Variants in MBOAT2 observed in about 807,000 individuals in gnomAD.
The protein encoded by MBOAT2 is membrane-bound glycerophospholipid O-acyltransferase 2.
A neutral mutation model predicts 63.4 loss-of-function variants in MBOAT2; 28 were observed. The observed-to-expected ratio is 0.44, with a 90% CI of 0.33 to 0.61. The LOEUF (loss-of-function observed/expected upper bound fraction) is 0.61. Among genes scored for constraint, MBOAT2 ranks in the 20% least tolerant of loss-of-function variants. MBOAT2 has a pLI of 0.03. For synonymous variants in MBOAT2, 211 were observed against 215.6 expected, an observed-to-expected ratio of 0.98 and a Z score of 0.19; for missense variants, 470 against 605.8, an observed-to-expected ratio of 0.78 and a Z score of 2.35.
chr2:8,960,726 A>ATCGT (rs1250074014), intron 1 of MBOAT2, among the ~76,000 whole-genome samples: 1 of 152,246 alleles, frequency 6.6e-6, no homozygotes, highest in Non-Finnish European at 1.5e-5. Context: ...CAACATTGTC[A>ATCGT]TCGTTCAGAT....
chr2:8,985,380 T>C (rs1010305461), intron 1 of MBOAT2, among the ~76,000 whole-genome samples: 1 of 152,196 alleles, frequency 6.6e-6, no homozygotes, highest in African/African-American at 2.4e-5. Flanking sequence ...TCTTTAAAGA[T>C]AAAATGTGTG....
intron 1 of MBOAT2, among the ~76,000 whole-genome samples, chr2:8,992,162 G>A (rs1671956555): frequency 6.6e-6 from 1 of 152,162 alleles, no homozygotes. Context: ...GACCTTTATT[G>A]CAGGTCTTTA....
chr2:8,943,670 T>C (rs1196251333), intron 2 of MBOAT2, among the ~76,000 whole-genome samples: 1 of 152,210 alleles, frequency 6.6e-6, no homozygotes, highest in Non-Finnish European at 1.5e-5. Context: ...AGTACCAACT[T>C]TGTACTCTGC....
At chr2:8,885,803 G>A (rs1357863564) in intron 5 of MBOAT2, among the ~76,000 whole-genome samples, 1 of 152,188 alleles carries the variant, frequency 6.6e-6, no homozygotes, top group East Asian at 1.9e-4. Flanking sequence ...ATGCAAATAT[G>A]AATGATGCCA....
At position 8,856,955 on chromosome 2, in the gene MBOAT2, G is replaced by T. The variant is rs13402472; in HGVS notation, c.*1724C>A. 2 of 152,276 alleles carry T rather than the reference G, an allele frequency of 1.3e-5. No individual in the cohort carries two copies. The highest frequency in any genetic ancestry group is 6.5e-5 in the Admixed American group (1 of 15,278). 9.4% of individuals were successfully genotyped at this position (152,276 alleles called of 1,614,324 possible). A position where few individuals can be genotyped will look rare whatever the true frequency, so the allele number is the denominator to read the frequency against. ...ATCAGCCGGAAAACACTTACTTTTA[G>T]ATAAATAAAAATAGATTAGGATATT... On this transcript the variant is annotated 3_prime_UTR_variant, in exon 13 of 13. Transcript: ENST00000305997. The surrounding 1 kb of genome is among the most constrained non-coding windows in gnomAD (Gnocchi z 4.2).
intron 3 of MBOAT2, among the ~76,000 whole-genome samples, chr2:8,940,386 G>A (rs370448595): frequency 8.1e-4 from 123 of 152,088 alleles, no homozygotes; most frequent in African/African-American, 2.8e-3. Flanking sequence ...CCGCCTCCCC[G>A]GTTCAAGCAA....
chr2:8,914,736 G>A (rs1177618240), intron 3 of MBOAT2, among the ~76,000 whole-genome samples: 1 of 152,022 alleles, frequency 6.6e-6, no homozygotes, highest in Non-Finnish European at 1.5e-5. Flanking sequence ...AATGTGGCTA[G>A]CACAAACTGA....
intron 1 of MBOAT2, among the ~76,000 whole-genome samples, chr2:9,002,440 AT>A (rs1377223017): frequency 6.6e-6 from 1 of 152,242 alleles, no homozygotes; most frequent in Non-Finnish European, 1.5e-5. Context: ...TTGAAGTGAA[AT>A]CCCTGAAGAC....
intron 1 of MBOAT2, among the ~76,000 whole-genome samples, chr2:8,977,121 G>T (rs889130429): frequency 1.5e-4 from 23 of 152,046 alleles, no homozygotes; most frequent in African/African-American, 5.1e-4. Context: ...CTTTATTCTG[G>T]TAACAGCCTT....
intron 3 of MBOAT2, among the ~76,000 whole-genome samples, chr2:8,932,518 AT>A (rs1237595289): frequency 6.6e-6 from 1 of 152,210 alleles, no homozygotes; most frequent in Non-Finnish European, 1.5e-5. Context: ...GCAAGTAAAA[AT>A]ATCTTTGTTT....
intron 4 of MBOAT2, among the ~76,000 whole-genome samples, chr2:8,906,670 A>C (rs1665357206): frequency 6.6e-6 from 1 of 152,260 alleles, no homozygotes; most frequent in South Asian, 2.1e-4. Context: ...GACTGCCAAG[A>C]ATTTGGAATA....
intron 1 of MBOAT2, among the ~76,000 whole-genome samples, chr2:8,963,496 G>T (rs1180008925): frequency 2.0e-5 from 3 of 152,046 alleles, no homozygotes; most frequent in Non-Finnish European, 4.4e-5. Context: ...TAGAGATGGG[G>T]TTTCTCCATG....
At chr2:8,886,583 T>C (rs1469126234) in intron 5 of MBOAT2, among the ~76,000 whole-genome samples, 2 of 152,202 alleles carry the variant, frequency 1.3e-5, no homozygotes, top group Non-Finnish European at 2.9e-5. Flanking sequence ...AAGAGGAACC[T>C]AGTTTGAAAA....
intron 3 of MBOAT2, among the ~76,000 whole-genome samples, chr2:8,912,772 G>T (rs1313656798): frequency 6.6e-6 from 1 of 152,134 alleles, no homozygotes; most frequent in Non-Finnish European, 1.5e-5. Flanking sequence ...TACTCCAAAA[G>T]CAATTTACAA....
chr2:8,981,207 G>T lies in MBOAT2; in HGVS notation c.75+22333C>A, dbSNP rs79029975. Among the ~76,000 whole-genome samples, 199 of 152,248 alleles carry T rather than the reference G, an allele frequency of 1.3e-3. 2 individuals are homozygous for T. The East Asian group carries it at 0.029, about 22-fold the overall frequency. On this transcript the variant is annotated intron_variant, in intron 1 of 12. Transcript: ENST00000305997. The stretch of plus-strand genomic sequence containing the variant: ...GGGAAATGGGGAGTGACTGCTAATG[G>T]TACAAGGCTTCTTTTTGTAATGAAA...
At chr2:8,967,585 TA>T (rs144683788) in intron 1 of MBOAT2, among the ~76,000 whole-genome samples, 13,153 of 152,212 alleles carry the variant, frequency 0.086, 960 homozygotes, top group African/African-American at 0.2. Flanking sequence ...AATTTGATTT[TA>T]AAACTAATAT....
chr2:8,916,770 A>C (rs1008642482), intron 3 of MBOAT2, among the ~76,000 whole-genome samples: 2 of 152,232 alleles, frequency 1.3e-5, no homozygotes. Flanking sequence ...ACATTTGAAT[A>C]CTAACTTTTT....
intron 3 of MBOAT2, among the ~76,000 whole-genome samples, chr2:8,935,500 C>A (rs919647392): frequency 6.6e-6 from 1 of 152,104 alleles, no homozygotes; most frequent in South Asian, 2.1e-4. Context: ...AGTATGAATA[C>A]TTAAAAACAA....
At chr2:8,950,268 C>T (rs989133047) in intron 2 of MBOAT2, among the ~76,000 whole-genome samples, 20 of 152,002 alleles carry the variant, frequency 1.3e-4, no homozygotes, top group African/African-American at 4.1e-4. Context: ...CAGCAAAGAC[C>T]GAGAGTTTGA....
Sources: allele counts gnomAD v4.1 joint callset (sites outside exome capture counted in the v4.1 genomes callset), GRCh38; gene constraint gnomAD v4.1.1; non-coding constraint Gnocchi (gnomAD v3.1); transcripts MANE v1.5; gene names NCBI Gene and HGNC (gene_info 2026-07-23, HGNC 2026-07-21).